PLPP4: variants seen among roughly 807,000 people sequenced by gnomAD.
PLPP4 encodes the protein phospholipid phosphatase 4.
In PLPP4, 20 loss-of-function variants were observed where a neutral mutation model predicts 32.2. The ratio of observed to expected loss-of-function variants is 0.62; its 90% confidence interval spans 0.44 to 0.90. PLPP4 has a LOEUF of 0.90. Ranked by LOEUF, PLPP4 falls within the 40% of genes least tolerant of loss-of-function variation. PLPP4 has a pLI of 0.00. For synonymous variants in PLPP4, 127 were observed against 133.0 expected (o/e 0.95, Z 0.31); for missense variants, 257 against 353.1 (o/e 0.73, Z 2.18).
intron 6 of PLPP4, chr10:120,587,538 C>G (rs1849817836): frequency 6.6e-6 from 1 of 152,148 alleles, no homozygotes; most frequent in South Asian, 2.1e-4. Context: ...CATTATAGAA[C>G]TTTTCATGTT....
chr10:120,542,415 A>G (rs942855796), intron 5 of PLPP4, among the ~76,000 whole-genome samples: 2 of 152,182 alleles, frequency 1.3e-5, no homozygotes, highest in African/African-American at 4.8e-5. Context: ...TATGGAAGCA[A>G]TTGTTAGAGA....
intron 5 of PLPP4, among the ~76,000 whole-genome samples, chr10:120,568,703 A>T (rs759108032): frequency 2.6e-5 from 4 of 152,176 alleles, no homozygotes; most frequent in Non-Finnish European, 5.9e-5. Flanking sequence ...CTTTCTTTTG[A>T]TGGCTTATTT....
intron 5 of PLPP4, among the ~76,000 whole-genome samples, chr10:120,546,308 G>T (rs546391161): frequency 3.9e-5 from 6 of 152,136 alleles, no homozygotes; most frequent in African/African-American, 1.4e-4. Context: ...AAATGGACCT[G>T]CATTCTATAC....
chr10:120,507,690 G>A (rs1467270964), intron 2 of PLPP4, among the ~76,000 whole-genome samples: 1 of 152,174 alleles, frequency 6.6e-6, no homozygotes, highest in Non-Finnish European at 1.5e-5. Context: ...GCAGAGAAAT[G>A]GAGAGTGAGC....
chr10:120,478,058 C>T (rs1322319065), intron 1 of PLPP4, among the ~76,000 whole-genome samples: 1 of 152,196 alleles, frequency 6.6e-6, no homozygotes, highest in African/African-American at 2.4e-5. Context: ...CCACCAGATC[C>T]CTGGAATGGG....
At chr10:120,489,617 G>A (rs1420306261) in intron 1 of PLPP4, among the ~76,000 whole-genome samples, 6 of 152,160 alleles carry the variant, frequency 3.9e-5, no homozygotes. Context: ...TAGTTTTTTG[G>A]ACTGAGTGCT....
At chr10:120,535,764 C>G (rs558162113) in intron 5 of PLPP4, among the ~76,000 whole-genome samples, 1 of 152,122 alleles carries the variant, frequency 6.6e-6, no homozygotes, top group Admixed American at 6.5e-5. Context: ...ATGCAAACCC[C>G]CCTGGGATCA....
chr10:120,469,332 A>G (rs900395144), intron 1 of PLPP4, among the ~76,000 whole-genome samples: 25 of 150,372 alleles, frequency 1.7e-4, no homozygotes, highest in Non-Finnish European at 3.1e-4. Context: ...GGTTCACACC[A>G]TTCTCCTGCC....
At chr10:120,537,652 T>C (rs1299479974) in intron 5 of PLPP4, among the ~76,000 whole-genome samples, 1 of 152,202 alleles carries the variant, frequency 6.6e-6, no homozygotes, top group East Asian at 1.9e-4. Context: ...TATTGTATAC[T>C]TGAAATTTGC....
chr10:120,487,866 T>A (rs1227759576), intron 1 of PLPP4, among the ~76,000 whole-genome samples: 1 of 152,256 alleles, frequency 6.6e-6, no homozygotes, highest in African/African-American at 2.4e-5. Context: ...ATGTCCTGGC[T>A]TCCAGAGTTG....
chr10:120,543,171 C>T (rs1211078160), intron 5 of PLPP4, among the ~76,000 whole-genome samples: 1 of 152,194 alleles, frequency 6.6e-6, no homozygotes, highest in Non-Finnish European at 1.5e-5. Flanking sequence ...AGTAACATCA[C>T]AGGGGATAGA....
intron 5 of PLPP4, among the ~76,000 whole-genome samples, chr10:120,546,610 C>G (rs1847634287): frequency 6.6e-6 from 1 of 152,186 alleles, no homozygotes; most frequent in African/African-American, 2.4e-5. Flanking sequence ...TCCTCACAGT[C>G]CTTGCCCTGG....
At chr10:120,578,823 C>T (rs1463040755) in intron 6 of PLPP4, among the ~76,000 whole-genome samples, 2 of 152,154 alleles carry the variant, frequency 1.3e-5, no homozygotes, top group Non-Finnish European at 2.9e-5. Flanking sequence ...TGGCCTGTGT[C>T]CTTGTGACAT....
intron 2 of PLPP4, among the ~76,000 whole-genome samples, chr10:120,511,751 C>T (rs976756689): frequency 1.1e-4 from 17 of 152,164 alleles, no homozygotes; most frequent in Middle Eastern, 3.2e-3. Flanking sequence ...AAGTCTAAGG[C>T]ATAATTCTCA....
chr10:120,483,739 C>T (rs1478170625), intron 1 of PLPP4, among the ~76,000 whole-genome samples: 2 of 152,150 alleles, frequency 1.3e-5, no homozygotes, highest in Non-Finnish European at 1.5e-5. Flanking sequence ...TCTATTAATT[C>T]CCATGACAGC....
At chr10:120,552,375 T>A (rs1847950822) in intron 5 of PLPP4, among the ~76,000 whole-genome samples, 1 of 152,170 alleles carries the variant, frequency 6.6e-6, no homozygotes, top group Non-Finnish European at 1.5e-5. Flanking sequence ...AGCTTCTTTA[T>A]CTAACGGATG....
At chr10:120,533,766 A>G (rs1589834130) in intron 5 of PLPP4, among the ~76,000 whole-genome samples, 1 of 152,262 alleles carries the variant, frequency 6.6e-6, no homozygotes, top group East Asian at 1.9e-4. Flanking sequence ...GAGCAAATAT[A>G]TATTCCTAGA....
intron 6 of PLPP4, among the ~76,000 whole-genome samples, chr10:120,581,803 A>G (rs1849528581): frequency 6.6e-6 from 1 of 152,088 alleles, no homozygotes; most frequent in Admixed American, 6.5e-5. Context: ...CCCACATGCC[A>G]TGTCCCTCTC....
intron 3 of PLPP4, among the ~76,000 whole-genome samples, chr10:120,515,735 A>G (rs1845910365): frequency 6.6e-6 from 1 of 152,208 alleles, no homozygotes; most frequent in Admixed American, 6.5e-5. Context: ...GTTTGGATGG[A>G]TATCACCATA....
Sources: allele counts gnomAD v4.1 joint callset (sites outside exome capture counted in the v4.1 genomes callset), GRCh38; gene constraint gnomAD v4.1.1; transcripts MANE v1.5; gene names NCBI Gene and HGNC (gene_info 2026-07-23, HGNC 2026-07-21).